The following METTL15 variants were observed in gnomAD, a reference collection of about 807,000 sequenced individuals.
METTL15 encodes methyltransferase 15, mitochondrial 12S rRNA N4-cytidine.
METTL15 carries 34 observed loss-of-function variants against 38.3 expected under a neutral mutation model. The observed-to-expected ratio is 0.89, with a 90% CI of 0.68 to 1.18. The LOEUF is 1.18. METTL15 is among the 50% of genes most tolerant of loss of function. The pLI, the probability that METTL15 is intolerant of heterozygous loss-of-function variation, is 0.00. For missense variants in METTL15, 438 were observed against 498.4 expected (o/e 0.88, Z 1.15); for synonymous variants, 162 against 170.9 (o/e 0.95, Z 0.41).
intron 6 of METTL15, among the ~76,000 whole-genome samples, chr11:28,498,078 G>T (rs1851551048): frequency 6.7e-6 from 1 of 150,102 alleles, no homozygotes; most frequent in Non-Finnish European, 1.5e-5. Context: ...AGGGGTGGAT[G>T]CAAAGTCATT....
intron 6 of METTL15, among the ~76,000 whole-genome samples, chr11:28,298,995 T>G (rs1856828684): frequency 6.6e-6 from 1 of 152,126 alleles, no homozygotes. Flanking sequence ...ACTAATAGAT[T>G]AAACAGTCAG....
chr11:28,393,365 A>G (rs1423847244), intron 5 of METTL15, among the ~76,000 whole-genome samples: 1 of 152,104 alleles, frequency 6.6e-6, no homozygotes, highest in African/African-American at 2.4e-5. Flanking sequence ...ATCCTGAATA[A>G]CAAATTACCC....
At chr11:28,389,945 C>A (rs1850484814) in intron 5 of METTL15, among the ~76,000 whole-genome samples, 1 of 152,050 alleles carries the variant, frequency 6.6e-6, no homozygotes, top group Non-Finnish European at 1.5e-5. Context: ...GAGATGGTAT[C>A]TCATTGTGGT....
chr11:28,163,794 T>A, intron 3 of METTL15: 1 of 195,208 alleles, frequency 5.1e-6, no homozygotes, highest in Non-Finnish European at 1.0e-5. Flanking sequence ...AGCTTTTTCT[T>A]TGATCATTAA....
At chr11:28,310,611 A>C (rs1458460253) in intron 6 of METTL15, among the ~76,000 whole-genome samples, 5 of 152,138 alleles carry the variant, frequency 3.3e-5, no homozygotes, top group African/African-American at 1.2e-4. Context: ...TACTTGCTCA[A>C]AACATGCAGT....
At chr11:28,427,292 T>C (rs1326928817) in intron 6 of METTL15, among the ~76,000 whole-genome samples, 1 of 152,220 alleles carries the variant, frequency 6.6e-6, no homozygotes, top group Non-Finnish European at 1.5e-5. Context: ...CCTTGGTCTA[T>C]GTGTCTATTC....
chr11:28,161,189 C>G (rs1319557024), intron 3 of METTL15, among the ~76,000 whole-genome samples: 1 of 142,056 alleles, frequency 7.0e-6, no homozygotes, highest in African/African-American at 2.5e-5. Context: ...GGGTTACAAT[C>G]TCAGCTCACT....
At chr11:28,512,559 G>A (rs1049692604) in intron 6 of METTL15, among the ~76,000 whole-genome samples, 2 of 152,226 alleles carry the variant, frequency 1.3e-5, no homozygotes, top group African/African-American at 2.4e-5. Flanking sequence ...TACACCCTCC[G>A]AGGCAGCTGG....
intron 5 of METTL15, among the ~76,000 whole-genome samples, chr11:28,404,355 A>C (rs1323773919): frequency 6.6e-6 from 1 of 152,122 alleles, no homozygotes; most frequent in Non-Finnish European, 1.5e-5. Flanking sequence ...TATAAATAAT[A>C]GATATGTATT....
chr11:28,455,216 CTTTTT>C (rs34686157), intron 6 of METTL15, among the ~76,000 whole-genome samples: 3 of 85,812 alleles, frequency 3.5e-5, no homozygotes, highest in Non-Finnish European at 4.4e-5. Flanking sequence ...GATCAGCTAG[CTTTTT>C]TTTTTTTTTT....
At chr11:28,147,603 A>G (rs1849931652) in intron 3 of METTL15, among the ~76,000 whole-genome samples, 1 of 151,852 alleles carries the variant, frequency 6.6e-6, no homozygotes, top group Non-Finnish European at 1.5e-5. Flanking sequence ...GATCTTAATC[A>G]TTCCTTAGGA....
intron 3 of METTL15, among the ~76,000 whole-genome samples, chr11:28,159,782 T>C (rs915953481): frequency 1.3e-5 from 2 of 152,212 alleles, no homozygotes; most frequent in South Asian, 2.1e-4. Flanking sequence ...GTACGAAGAA[T>C]AGTTGTATTA....
intron 3 of METTL15, chr11:28,197,357 A>G (rs1356080723): frequency 8.5e-6 from 2 of 234,958 alleles, no homozygotes; most frequent in Non-Finnish European, 1.8e-5. Context: ...AATTTTTTGG[A>G]ATTTAGGCCT....
chr11:28,189,338 T>A (rs556468014), intron 3 of METTL15, among the ~76,000 whole-genome samples: 1 of 151,422 alleles, frequency 6.6e-6, no homozygotes, highest in South Asian at 2.1e-4. Context: ...CATTTTTTAT[T>A]TCCCAAAGAA....
chr11:28,347,754 C>T (rs966973461), intron 3 of METTL15, among the ~76,000 whole-genome samples: 1 of 152,206 alleles, frequency 6.6e-6, no homozygotes. Context: ...TTTGAAAATG[C>T]TGTCTCCTGT....
chr11:28,287,459 T>C (rs1856325233), intron 4 of METTL15: 2 of 427,432 alleles, frequency 4.7e-6, no homozygotes, highest in East Asian at 8.3e-5. Flanking sequence ...TTCCTAGCAA[T>C]GTGATCATCA....
chr11:28,339,039 T>C (rs1396418647), intron 3 of METTL15, among the ~76,000 whole-genome samples: 1 of 152,130 alleles, frequency 6.6e-6, no homozygotes. Context: ...GAAGTACATG[T>C]AAATTTGAAA....
intron 6 of METTL15, among the ~76,000 whole-genome samples, chr11:28,504,391 T>C (rs1851610415): frequency 1.3e-5 from 2 of 152,150 alleles, no homozygotes; most frequent in South Asian, 4.1e-4. Flanking sequence ...TTAAGATAAT[T>C]GTTGCCATCA....
At chr11:28,279,664 G>T (rs1208465111) in intron 4 of METTL15, among the ~76,000 whole-genome samples, 1 of 152,156 alleles carries the variant, frequency 6.6e-6, no homozygotes, top group Non-Finnish European at 1.5e-5. Flanking sequence ...ACTTTGGGAG[G>T]CCGAGGCAGG....
Sources: allele counts gnomAD v4.1 joint callset (sites outside exome capture counted in the v4.1 genomes callset), GRCh38; gene constraint gnomAD v4.1.1; transcripts MANE v1.5; gene names NCBI Gene and HGNC (gene_info 2026-07-23, HGNC 2026-07-21).